The following AKT1 variants were observed in gnomAD, a reference collection of about 807,000 sequenced individuals.
The protein encoded by AKT1 is RAC-alpha serine/threonine-protein kinase.
Under a neutral mutation model 63.1 loss-of-function variants are expected in AKT1, and 21 were observed. The observed-to-expected ratio is 0.33, with a 90% CI of 0.24 to 0.48. The LOEUF (loss-of-function observed/expected upper bound fraction) is 0.48. AKT1 is among the 20% of genes least tolerant of loss of function. The pLI, the probability that AKT1 is intolerant of heterozygous loss-of-function variation, is 0.99. For synonymous variants in AKT1, 257 were observed against 253.1 expected (o/e 1.02, Z -0.15); for missense variants, 382 against 666.0 (o/e 0.57, Z 4.69).
At chr14:104,776,206 G>C (rs539758097) in intron 5 of AKT1, 1 of 205,870 alleles carries the variant, frequency 4.9e-6, no homozygotes, top group Admixed American at 5.6e-5. Flanking sequence ...GGAGTGCAGT[G>C]GTAAAATCTC....
At chr14:104,785,320 A>G (rs959826330) in intron 3 of AKT1, among the ~76,000 whole-genome samples, 24 of 152,246 alleles carry the variant, frequency 1.6e-4, no homozygotes, top group Admixed American at 1.2e-3. Context: ...CGAACCCTGT[A>G]AACAACCAGG....
intron 4 of AKT1, 192 bp from the exon 5 acceptor site, chr14:104,776,962 G>A (rs1892752145): frequency 1.8e-6 from 1 of 563,478 alleles, no homozygotes; most frequent in Non-Finnish European, 3.2e-6. Flanking sequence ...TTCCAGCTCA[G>A]ACACTCTACT....
chr14:104,793,567 G>C (rs1893733380), intron 1 of AKT1: 1 of 175,568 alleles, frequency 5.7e-6, no homozygotes. Context: ...TCAGTGAGGA[G>C]CACCCAGTCC....
At chr14:104,770,997 A>C (rs574734523) in intron 13 of AKT1, 150 bp from the exon 14 acceptor site, 16 of 663,716 alleles carry the variant, frequency 2.4e-5, no homozygotes, top group Non-Finnish European at 3.7e-5. Flanking sequence ...CCAGCCCCCC[A>C]CAGAGGCAGC....
intron 9 of AKT1, 90 bp downstream of exon 9, chr14:104,773,822 T>G: frequency 1.5e-6 from 2 of 1,378,954 alleles, no homozygotes; most frequent in Non-Finnish European, 2.0e-6. Context: ...TCTGGTGCCA[T>G]GGAGAGTAGC....
chr14:104,783,112 G>A (rs2140968869), intron 3 of AKT1, among the ~76,000 whole-genome samples: 1 of 152,234 alleles, frequency 6.6e-6, no homozygotes, highest in East Asian at 1.9e-4. Context: ...GCCTGCACCT[G>A]CCTACTCCGG....
At position 104,792,344 on chromosome 14, in the gene AKT1, C is replaced by T. The variant is rs1390614973; in HGVS notation, c.46+254G>A. Among the ~76,000 whole-genome samples, 6 of 152,170 alleles carry T rather than the reference C, an allele frequency of 3.9e-5. No individual in the cohort carries two copies. In the South Asian group the frequency reaches 8.3e-4, roughly 21 times the overall value. On this transcript the variant is annotated intron_variant, in intron 3 of 14. Transcript: ENST00000649815. ...GGAGAGAGGCTGGCAGCAGCTCCCC[C>T]GCCTGCCAGGGCCCACACCAGGAAG...
At chr14:104,783,387 G>C (rs1324581627) in intron 3 of AKT1, among the ~76,000 whole-genome samples, 2 of 152,038 alleles carry the variant, frequency 1.3e-5, no homozygotes, top group African/African-American at 4.8e-5. Flanking sequence ...CTGCATTGCT[G>C]GGGGAACTGG....
Position 104,770,317 on chromosome 14 carries a change from C to T in AKT1, c.*24G>A, listed in dbSNP as rs370987171. 30 of 1,599,610 alleles carry T rather than the reference C, an allele frequency of 1.9e-5. No individual in the cohort carries two copies. The highest frequency in any genetic ancestry group is 6.8e-5 in the Admixed American group (4 of 58,666). Reference sequence around the variant, plus strand: ...CCGCCTCTCCATCCCTCCAAGCTATCGTCCAGCGCAGTCCACCGCCGCCTC... The same window carrying T: ...CCGCCTCTCCATCCCTCCAAGCTATTGTCCAGCGCAGTCCACCGCCGCCTC... On this transcript the variant is annotated 3_prime_UTR_variant, in exon 15 of 15. Coordinates refer to ENST00000649815, the MANE Select transcript of AKT1 (RefSeq NM_001382430.1).
intron 3 of AKT1, among the ~76,000 whole-genome samples, chr14:104,780,968 AGGCCCTGCCGCCGTC>A (rs1893002934): frequency 2.0e-5 from 3 of 152,132 alleles, no homozygotes; most frequent in African/African-American, 7.2e-5. Context: ...ACCCACACTC[AGGCCCTGCCGCCGTC>A]GGCCCTGCCG....
chr14:104,777,109 C>A, intron 4 of AKT1: 1 of 280,038 alleles, frequency 3.6e-6, no homozygotes. Flanking sequence ...GTATGGAGAT[C>A]CCACAGAGGG....
At chr14:104,780,713 G>GCC (rs35707077) in intron 3 of AKT1, among the ~76,000 whole-genome samples, 136 of 150,818 alleles carry the variant, frequency 9.0e-4, no homozygotes, top group African/African-American at 1.1e-3. Flanking sequence ...CAGCATGGCC[G>GCC]CCCCCCCCGC....
At chr14:104,787,976 C>T (rs1309040045) in intron 3 of AKT1, among the ~76,000 whole-genome samples, 3 of 152,216 alleles carry the variant, frequency 2.0e-5, no homozygotes, top group East Asian at 3.8e-4. Context: ...ACAGCCATGC[C>T]ATGACCTCCA....
Position 104,769,731 on chromosome 14 carries a change from C to G in AKT1, c.*610G>C. 1 of 404,274 alleles carries G rather than the reference C, an allele frequency of 2.5e-6. No individual in the cohort carries two copies. The highest frequency in any genetic ancestry group is 2.2e-5 in the South Asian group (1 of 46,486). 25.0% of individuals were successfully genotyped at this position (404,274 alleles called of 1,614,324 possible). On this transcript the variant is annotated 3_prime_UTR_variant, in exon 15 of 15. Transcript: ENST00000649815. The stretch of plus-strand genomic sequence containing the variant: ...TACACAATAACAAATTTAAACCTTG[C>G]TCCTCTGTCCCACTGGGTAAACCCT...
rs113635490 is a variant in AKT1 at position 104,770,611 on chromosome 14, T to C, written c.1363+134A>G. On this transcript the variant is annotated intron_variant, in intron 14 of 14. Coordinates refer to ENST00000649815, the MANE Select transcript of AKT1 (RefSeq NM_001382430.1). ...AGAGCACTGCCTCCCACCCTGATCA[T>C]TGGCACTCTCCAAAAGGAACCTTTT... The C allele has an allele frequency of 1.2e-3, 1,181 of 971,778 alleles. 3 individuals carry two copies. The highest frequency in any genetic ancestry group is 1.6e-3 in the Non-Finnish European group (1,050 of 651,788). 60.2% of individuals were successfully genotyped at this position (971,778 alleles called of 1,614,324 possible). A position where few individuals can be genotyped will look rare whatever the true frequency, so the allele number is the denominator to read the frequency against.
chr14:104,782,330 G>A (rs2140964913), intron 3 of AKT1, among the ~76,000 whole-genome samples: 1 of 152,278 alleles, frequency 6.6e-6, no homozygotes, highest in East Asian at 1.9e-4. Context: ...TGAGCGCCCA[G>A]GCCCGGCACC....
intron 3 of AKT1, among the ~76,000 whole-genome samples, chr14:104,783,032 C>T (rs1033226306): frequency 1.3e-5 from 2 of 152,106 alleles, no homozygotes; most frequent in African/African-American, 4.8e-5. Flanking sequence ...TGACACAGGA[C>T]GGGGCAGGTG....
intron 3 of AKT1, among the ~76,000 whole-genome samples, chr14:104,786,712 C>G (rs936371893): frequency 6.6e-6 from 1 of 152,140 alleles, no homozygotes; most frequent in Non-Finnish European, 1.5e-5. Flanking sequence ...CCCCAGAGCA[C>G]GGCCAGCTGT....
chr14:104,774,125 G>A, intron 8 of AKT1, 145 bp from the exon 9 acceptor site: 1 of 720,764 alleles, frequency 1.4e-6, no homozygotes, highest in Non-Finnish European at 2.4e-6. Context: ...ACACCACGCT[G>A]CCTGATACCA....
Sources: allele counts gnomAD v4.1 joint callset (sites outside exome capture counted in the v4.1 genomes callset), GRCh38; gene constraint gnomAD v4.1.1; transcripts MANE v1.5; gene names NCBI Gene and HGNC (gene_info 2026-07-23, HGNC 2026-07-21).